AP2A2: variants seen among roughly 807,000 people sequenced by gnomAD.
AP2A2 encodes AP-2 complex subunit alpha-2.
AP2A2 carries 32 observed loss-of-function variants against 104.2 expected under a neutral mutation model. That is an observed-to-expected ratio of 0.31 (90% CI 0.23 to 0.41). AP2A2 has a LOEUF of 0.41. AP2A2 is among the 10% of genes least tolerant of loss of function. The pLI is 1.00. For missense variants in AP2A2, 912 were observed against 1,261.0 expected, an observed-to-expected ratio of 0.72 and a Z score of 4.19; for synonymous variants, 539 against 533.3, an observed-to-expected ratio of 1.01 and a Z score of -0.15.
intron 14 of AP2A2, among the ~76,000 whole-genome samples, chr11:994,921 TCCTGGGGGCCAC>T (rs1855800610): frequency 8.0e-6 from 1 of 124,350 alleles, no homozygotes; most frequent in Non-Finnish European, 1.8e-5. Context: ...CCCTGGCCTG[TCCTGGGGGCCAC>T]TGTCCCTGCT....
chr11:933,210 G>T (rs1272328503), intron 1 of AP2A2, among the ~76,000 whole-genome samples: 5 of 152,216 alleles, frequency 3.3e-5, no homozygotes, highest in African/African-American at 1.2e-4. Flanking sequence ...GGAGGTTGCA[G>T]TAAGCCAAGA....
At chr11:927,245 A>G (rs1565221212) in intron 1 of AP2A2, among the ~76,000 whole-genome samples, 1 of 96,330 alleles carries the variant, frequency 1.0e-5, no homozygotes, top group Non-Finnish European at 2.5e-5. Context: ...TGTTTTTTGT[A>G]GAGATGGGGG....
At chr11:988,753 C>T in intron 10 of AP2A2, 64 bp downstream of exon 10, 2 of 1,584,886 alleles carry the variant, frequency 1.3e-6, no homozygotes, top group South Asian at 1.1e-5. Context: ...GCAGGATTTC[C>T]TTCGTGCTCT....
At chr11:971,598 G>C (rs984803232) in intron 3 of AP2A2, among the ~76,000 whole-genome samples, 28 of 152,136 alleles carry the variant, frequency 1.8e-4, no homozygotes, top group African/African-American at 6.8e-4. Context: ...GGTGGAGGGG[G>C]GCGGCATGAG....
chr11:1,009,825 C>T lies in AP2A2; in HGVS notation c.2742+8C>T. 1 of 1,538,158 alleles carries T rather than the reference C, an allele frequency of 6.5e-7. No homozygotes were observed. Among genetic ancestry groups the T allele is most frequent in the Non-Finnish European group, 8.8e-7 (1 of 1,136,102 alleles). ...CCGAACCTGCAAGCCCAGGTCAGGC[C>T]CTCAGGAAATGGTGGAACACACTTG... On this transcript the variant is annotated splice_region_variant and intron_variant, in intron 21 of 21. Coordinates refer to ENST00000448903, the MANE Select transcript of AP2A2 (RefSeq NM_012305.4).
At chr11:953,313 C>T (rs746097498) in intron 1 of AP2A2, among the ~76,000 whole-genome samples, 4 of 151,996 alleles carry the variant, frequency 2.6e-5, no homozygotes, top group South Asian at 2.1e-4. Context: ...TACAGGCGCA[C>T]GCCACCATGC....
At chr11:952,560 C>T (rs1055635358) in intron 1 of AP2A2, among the ~76,000 whole-genome samples, 1 of 152,188 alleles carries the variant, frequency 6.6e-6, no homozygotes, top group Non-Finnish European at 1.5e-5. Flanking sequence ...TGCGAGAATT[C>T]CCTGATGCAA....
intron 4 of AP2A2, among the ~76,000 whole-genome samples, chr11:972,502 C>T (rs1854868764): frequency 6.6e-6 from 1 of 152,224 alleles, no homozygotes; most frequent in Non-Finnish European, 1.5e-5. Flanking sequence ...CAAGACCAGC[C>T]TGGGCAACAT....
chr11:975,966 G>A (rs534553717), intron 4 of AP2A2, among the ~76,000 whole-genome samples: 1 of 152,328 alleles, frequency 6.6e-6, no homozygotes, highest in South Asian at 2.1e-4. Flanking sequence ...GAGGAGTGTG[G>A]CATGCTGGGC....
At chr11:983,650 TG>T (rs1237957346) in intron 6 of AP2A2, among the ~76,000 whole-genome samples, 12 of 152,110 alleles carry the variant, frequency 7.9e-5, no homozygotes, top group Non-Finnish European at 1.3e-4. Context: ...CTCAAAGTGC[TG>T]GGATTACAGG....
chr11:992,620 C>CG lies in AP2A2; in HGVS notation c.1388dup (p.Val464SerfsTer180). On this transcript the variant is annotated frameshift_variant, in exon 11 of 22. Transcript: ENST00000448903. LOFTEE classifies it high-confidence loss of function. This position sits in a 1 kb window ranked among gnomAD's most constrained non-coding sequence, Gnocchi z 6.4. ...TTACGTGAGTGAAGAGGTGTGGTAC[C>CG]GAGTCATTCAGATCGTCATCAACCG... The CG allele has an allele frequency of 6.2e-7, 1 of 1,613,896 alleles. No homozygotes were observed. The highest frequency in any genetic ancestry group is 8.5e-7 in the Non-Finnish European group (1 of 1,179,886).
chr11:953,977 G>C (rs1454705101), intron 1 of AP2A2, among the ~76,000 whole-genome samples: 3 of 152,170 alleles, frequency 2.0e-5, no homozygotes, highest in Admixed American at 2.0e-4. Flanking sequence ...TGGGATTGCA[G>C]GCGCCTGCCA....
At chr11:1,003,117 T>A (rs1179906088) in intron 15 of AP2A2, among the ~76,000 whole-genome samples, 1 of 152,246 alleles carries the variant, frequency 6.6e-6, no homozygotes, top group Non-Finnish European at 1.5e-5. Flanking sequence ...GCTATTTTAT[T>A]TTCCCCTAAT....
intron 4 of AP2A2, among the ~76,000 whole-genome samples, chr11:975,915 G>C (rs957403253): frequency 6.6e-6 from 1 of 152,194 alleles, no homozygotes; most frequent in Non-Finnish European, 1.5e-5. Context: ...TTTAGACTGT[G>C]TTCTTCTGCC....
At chr11:977,071 T>TG in intron 4 of AP2A2, 24 bp from the exon 5 acceptor site, 1 of 1,613,000 alleles carries the variant, frequency 6.2e-7, no homozygotes, top group Non-Finnish European at 8.5e-7. Flanking sequence ...CTGTTGCGAG[T>TG]GACTCTTGAC....
intron 15 of AP2A2, among the ~76,000 whole-genome samples, chr11:1,001,617 G>T (rs1053731653): frequency 2.0e-5 from 3 of 152,072 alleles, no homozygotes; most frequent in African/African-American, 7.2e-5. Context: ...GCAGGTCGCC[G>T]CTTGGGCTGA....
At chr11:989,584 T>C (rs1206864637) in intron 10 of AP2A2, among the ~76,000 whole-genome samples, 1 of 152,236 alleles carries the variant, frequency 6.6e-6, no homozygotes, top group Non-Finnish European at 1.5e-5. Flanking sequence ...AGGCCATAGC[T>C]TAATGTCCCG....
chr11:959,651 A>C (rs911894575), intron 2 of AP2A2, 146 bp downstream of exon 2: 1 of 634,868 alleles, frequency 1.6e-6, no homozygotes, highest in African/African-American at 1.8e-5. Flanking sequence ...TGTCAGAATT[A>C]GGAAATGGCA....
In AP2A2 at chr11:1,011,551, C is replaced by T. The variant is rs780675654; in HGVS notation, c.*926C>T. Reference sequence around the variant, plus strand: ...TTGGCCGCATGCCATGTGCCACCTGCGGCTTGTGTCTCACCTGTCATCTGG... The same window carrying T: ...TTGGCCGCATGCCATGTGCCACCTGTGGCTTGTGTCTCACCTGTCATCTGG... On this transcript the variant is annotated 3_prime_UTR_variant, in exon 22 of 22. Coordinates refer to ENST00000448903, the MANE Select transcript of AP2A2 (RefSeq NM_012305.4). The T allele has an allele frequency of 1.6e-4, 76 of 466,202 alleles. No homozygotes were observed. The highest frequency in any genetic ancestry group is 1.3e-3 in the Middle Eastern group (4 of 3,034). The allele number at this position is 466,202 out of a possible 1,614,324, so 28.9% of individuals were successfully genotyped here. A position where few individuals can be genotyped will look rare whatever the true frequency, so the allele number is the denominator to read the frequency against.
Sources: allele counts gnomAD v4.1 joint callset (sites outside exome capture counted in the v4.1 genomes callset), GRCh38; gene constraint gnomAD v4.1.1; non-coding constraint Gnocchi (gnomAD v3.1); transcripts MANE v1.5; gene names NCBI Gene and HGNC (gene_info 2026-07-23, HGNC 2026-07-21).